GABRA4: variants seen among roughly 807,000 people sequenced by gnomAD.
GABRA4 encodes gamma-aminobutyric acid type A receptor subunit alpha4.
In GABRA4, 12 loss-of-function variants were observed where a neutral mutation model predicts 49.7. The ratio of observed to expected loss-of-function variants is 0.24; its 90% CI spans 0.15 to 0.39. The LOEUF is 0.39. GABRA4 is among the 10% of genes least tolerant of loss of function. The pLI, the probability that GABRA4 is intolerant of heterozygous loss-of-function variation, is 1.00. For synonymous variants in GABRA4, 288 were observed against 240.2 expected, an observed-to-expected ratio of 1.20 and a Z score of -1.84; for missense variants, 506 against 686.0, an observed-to-expected ratio of 0.74 and a Z score of 2.93.
At chr4:46,933,373 T>C (rs557269229) in intron 8 of GABRA4, among the ~76,000 whole-genome samples, 2 of 152,298 alleles carry the variant, frequency 1.3e-5, no homozygotes, top group African/African-American at 4.8e-5. Flanking sequence ...CTTTAGAATA[T>C]TGCAGGTAGT....
Position 46,974,496 on chromosome 4 carries a change from T to C in GABRA4, c.578-121A>G, listed in dbSNP as rs979440604. The C allele has an allele frequency of 1.1e-5, 10 of 943,454 alleles. No homozygotes were observed. In the Middle Eastern group the frequency reaches 6.9e-4, roughly 65 times the overall value. The allele number at this position is 943,454 out of a possible 1,614,324, so 58.4% of individuals were successfully genotyped here. On this transcript the variant is annotated intron_variant, in intron 5 of 8. Transcript: ENST00000264318. ...GAATAAATGAAAACAATGTTCACTA[T>C]AATTTAGTCACTATAATTTAGTTCA...
chr4:46,970,999 T>A (rs1042335691), intron 7 of GABRA4, 84 bp downstream of exon 7: 2 of 1,313,548 alleles, frequency 1.5e-6, no homozygotes, highest in Non-Finnish European at 2.1e-6. Context: ...TGTATTAGGG[T>A]TTAAGATTTT....
intron 8 of GABRA4, among the ~76,000 whole-genome samples, chr4:46,953,304 C>T (rs1722236372): frequency 6.6e-6 from 1 of 152,054 alleles, no homozygotes; most frequent in South Asian, 2.1e-4. Flanking sequence ...TTGTAGTGTC[C>T]CTTGGTCCAA....
chr4:46,972,510 A>G (rs1318991082), intron 6 of GABRA4, among the ~76,000 whole-genome samples: 1 of 151,602 alleles, frequency 6.6e-6, no homozygotes, highest in African/African-American at 2.4e-5. Context: ...GTTTGGAGAT[A>G]AGTATACACT....
chr4:46,986,756 A>T (rs1322193189), intron 2 of GABRA4, among the ~76,000 whole-genome samples: 1 of 152,066 alleles, frequency 6.6e-6, no homozygotes, highest in African/African-American at 2.4e-5. Flanking sequence ...TTGCTCATCT[A>T]TGCCCCTGGT....
chr4:46,952,028 G>C (rs1358487928), intron 8 of GABRA4, among the ~76,000 whole-genome samples: 1 of 151,982 alleles, frequency 6.6e-6, no homozygotes. Context: ...TTAAAAGCTT[G>C]TTTTAGCCAA....
chr4:46,976,973 G>A (rs1448705730), intron 5 of GABRA4, 88 bp downstream of exon 5: 4 of 740,416 alleles, frequency 5.4e-6, no homozygotes, highest in Non-Finnish European at 9.2e-6. Flanking sequence ...TGACTTAAAT[G>A]TTGGATTATG....
chr4:46,928,540 T>C lies in GABRA4; in HGVS notation c.1350A>G (p.Ala450=). ...NAAETISAAR[A]LPSASPTSIR... ...TAGAAGTAGGAGAAGCAGATGGAAG[T>C]GCTCTTGCTGCAGATATGGTTTCAG... is the stretch of plus-strand genomic sequence containing the variant. Residue 450 remains alanine, a synonymous_variant, in exon 9 of 9, where the codon GCA becomes GCG. Coordinates refer to ENST00000264318, the MANE Select transcript of GABRA4 (RefSeq NM_000809.4). 1 of 1,613,690 alleles carries C rather than the reference T, an allele frequency of 6.2e-7. No homozygotes were observed. Among genetic ancestry groups the C allele is most frequent in the Middle Eastern group, 1.7e-4 (1 of 6,058 alleles).
Position 46,928,138 on chromosome 4 carries a change from G to T in GABRA4, c.*87C>A. ...AAAATTACACAGAGTTTTTATTTTA[G>T]TAAAGAATATTTGTTTATATTTAAA... On this transcript the variant is annotated 3_prime_UTR_variant, in exon 9 of 9. Coordinates refer to ENST00000264318, the MANE Select transcript of GABRA4 (RefSeq NM_000809.4). The T allele has an allele frequency of 1.8e-6, 2 of 1,117,682 alleles. No homozygotes were observed. Among genetic ancestry groups the T allele is most frequent in the South Asian group, 1.9e-5 (1 of 52,120 alleles). 69.2% of individuals were successfully genotyped at this position (1,117,682 alleles called of 1,614,324 possible). A position where few individuals can be genotyped will look rare whatever the true frequency, so the allele number is the denominator to read the frequency against.
In GABRA4 at chr4:46,924,699, A is replaced by G. The variant is rs996353015; in HGVS notation, c.*3526T>C. ...GGGAAACCTTAGTTTGAAGCAAGCAATGAACTTAAAGTAATCAAGCAGTAG... is the reference window on the plus strand; with the variant it reads ...GGGAAACCTTAGTTTGAAGCAAGCAGTGAACTTAAAGTAATCAAGCAGTAG... On this transcript the variant is annotated 3_prime_UTR_variant, in exon 9 of 9. Coordinates refer to ENST00000264318, the MANE Select transcript of GABRA4 (RefSeq NM_000809.4). 6.6e-6 allele frequency: 1 copy of G among 152,016 alleles called. No individual in the cohort carries two copies. Among genetic ancestry groups the G allele is most frequent in the Non-Finnish European group, 1.5e-5 (1 of 67,956 alleles). 9.4% of individuals were successfully genotyped at this position (152,016 alleles called of 1,614,324 possible).
chr4:46,980,117 T>C (rs1427848709), intron 2 of GABRA4, among the ~76,000 whole-genome samples: 2 of 152,106 alleles, frequency 1.3e-5, no homozygotes, highest in African/African-American at 2.4e-5. Context: ...ATTGAGATAA[T>C]ACTTGTAAGT....
chr4:46,992,962 A>C lies in GABRA4; in HGVS notation c.87-16T>G, dbSNP rs773610061. ...TTCGTTTAAACTGCAAGCGAAAAAA[A>C]AAAAACCGGGGGCGGAGGAGATTAT... On this transcript the variant is annotated splice_polypyrimidine_tract_variant and intron_variant, in intron 1 of 8. Transcript: ENST00000264318. The C allele has an allele frequency of 6.4e-7, 1 of 1,562,944 alleles. No individual in the cohort carries two copies.
chr4:46,977,874 C>A (rs1324903754), intron 3 of GABRA4, among the ~76,000 whole-genome samples: 1 of 151,922 alleles, frequency 6.6e-6, no homozygotes, highest in African/African-American at 2.4e-5. Flanking sequence ...ACCACACATA[C>A]TAATAATTTA....
intron 2 of GABRA4, among the ~76,000 whole-genome samples, chr4:46,989,506 T>A (rs1296923679): frequency 2.0e-5 from 3 of 152,252 alleles, no homozygotes; most frequent in Middle Eastern, 3.4e-3. Flanking sequence ...TCTTCTCCAA[T>A]GGGAGAATGT....
intron 5 of GABRA4, among the ~76,000 whole-genome samples, chr4:46,974,752 C>A (rs1487133855): frequency 6.6e-6 from 1 of 152,054 alleles, no homozygotes; most frequent in African/African-American, 2.4e-5. Context: ...TTCTAACTCA[C>A]TTCCAATGCT....
At chr4:46,959,198 C>T (rs145206577) in intron 8 of GABRA4, among the ~76,000 whole-genome samples, 225 of 151,916 alleles carry the variant, frequency 1.5e-3, no homozygotes, top group African/African-American at 5.0e-3. Flanking sequence ...GTACTTGATA[C>T]TGAAGGCATT....
At chr4:46,945,989 T>C (rs941770494) in intron 8 of GABRA4, among the ~76,000 whole-genome samples, 13 of 152,110 alleles carry the variant, frequency 8.5e-5, no homozygotes, top group Admixed American at 3.3e-4. Flanking sequence ...GGTAACATTG[T>C]CCTTGGGAAG....
At chr4:46,984,949 C>T (rs1469957679) in intron 2 of GABRA4, among the ~76,000 whole-genome samples, 1 of 151,942 alleles carries the variant, frequency 6.6e-6, no homozygotes, top group Non-Finnish European at 1.5e-5. Context: ...GCAAAAGAAA[C>T]TCTTGCACAT....
intron 7 of GABRA4, among the ~76,000 whole-genome samples, chr4:46,969,737 G>A (rs917755085): frequency 2.0e-5 from 3 of 151,372 alleles, no homozygotes; most frequent in African/African-American, 7.3e-5. Flanking sequence ...TTTATGAATG[G>A]AGAAAATAAG....
Sources: gnomAD v4.1 joint callset for allele counts (sites outside exome capture counted in the v4.1 genomes callset) on GRCh38, gnomAD v4.1.1 for gene constraint, MANE v1.5 for transcripts, NCBI Gene and HGNC (gene_info 2026-07-23, HGNC 2026-07-21) for gene names.